The following TMEM132D variants were observed in gnomAD, a reference collection of about 807,000 sequenced individuals.
TMEM132D encodes transmembrane protein 132D.
In TMEM132D, 21 loss-of-function variants were observed where a neutral mutation model predicts 62.3. The observed-to-expected ratio is 0.34, with a 90% CI of 0.24 to 0.49. The LOEUF (loss-of-function observed/expected upper bound fraction) is 0.49, where lower values mean the gene tolerates loss of function less well. Ranked by LOEUF, TMEM132D falls within the 20% of genes least tolerant of loss-of-function variation. The pLI, the probability that TMEM132D is intolerant of heterozygous loss-of-function variation, is 0.99. For synonymous variants in TMEM132D, 621 were observed against 575.6 expected, an observed-to-expected ratio of 1.08 and a Z score of -1.13; for missense variants, 1,346 against 1,402.8, an observed-to-expected ratio of 0.96 and a Z score of 0.65.
At chr12:129,578,264 C>T (rs1270684528) in intron 2 of TMEM132D, among the ~76,000 whole-genome samples, 1 of 152,050 alleles carries the variant, frequency 6.6e-6, no homozygotes, top group South Asian at 2.1e-4. Flanking sequence ...CAGGCTTCCC[C>T]GGGGCCCCAG....
chr12:129,843,056 G>A (rs1288105604), intron 1 of TMEM132D, among the ~76,000 whole-genome samples: 2 of 152,118 alleles, frequency 1.3e-5, no homozygotes, highest in Non-Finnish European at 2.9e-5. Flanking sequence ...AAACACAAAT[G>A]AGTTAAGTTT....
intron 3 of TMEM132D, among the ~76,000 whole-genome samples, chr12:129,402,085 C>T (rs76684283): frequency 0.035 from 5,309 of 152,232 alleles, 299 homozygotes; most frequent in African/African-American, 0.12. Context: ...GAAGTGACTC[C>T]TTTAGGCTGC....
chr12:129,126,566 G>A (rs777697342), intron 5 of TMEM132D, among the ~76,000 whole-genome samples: 7 of 152,112 alleles, frequency 4.6e-5, no homozygotes, highest in African/African-American at 1.2e-4. Context: ...GAGGGATCTG[G>A]CTAATTGAAG....
At chr12:129,718,143 C>T (rs1868661031) in intron 1 of TMEM132D, among the ~76,000 whole-genome samples, 1 of 152,176 alleles carries the variant, frequency 6.6e-6, no homozygotes, top group Admixed American at 6.5e-5. Flanking sequence ...TCTTCTTTCC[C>T]TTAAAGAGAT....
intron 1 of TMEM132D, among the ~76,000 whole-genome samples, chr12:129,876,288 T>C (rs1043709458): frequency 6.6e-6 from 1 of 152,192 alleles, no homozygotes; most frequent in African/African-American, 2.4e-5. Flanking sequence ...AATCCTATCA[T>C]TGGGAAGAAG....
At chr12:129,577,780 T>C (rs957891988) in intron 2 of TMEM132D, among the ~76,000 whole-genome samples, 6 of 152,170 alleles carry the variant, frequency 3.9e-5, no homozygotes, top group African/African-American at 4.8e-5. Flanking sequence ...AGTTTCAAAC[T>C]CTGTTGTTCA....
At chr12:129,614,611 GC>G (rs1878866811) in intron 2 of TMEM132D, among the ~76,000 whole-genome samples, 3 of 152,194 alleles carry the variant, frequency 2.0e-5, no homozygotes, top group African/African-American at 7.2e-5. Flanking sequence ...CAAGGAAGAA[GC>G]AAAATCTGAT....
chr12:129,181,339 T>G (rs1264655853), intron 5 of TMEM132D, among the ~76,000 whole-genome samples: 1 of 152,150 alleles, frequency 6.6e-6, no homozygotes, highest in Non-Finnish European at 1.5e-5. Flanking sequence ...CTTCTCTCCA[T>G]CTCTACTTTA....
chr12:129,382,185 C>A (rs1412060440), intron 3 of TMEM132D, among the ~76,000 whole-genome samples: 1 of 152,164 alleles, frequency 6.6e-6, no homozygotes, highest in Admixed American at 6.5e-5. Context: ...ATCTGGTAAC[C>A]AAACAAATTC....
At chr12:129,788,417 A>C (rs960326695) in intron 1 of TMEM132D, among the ~76,000 whole-genome samples, 3 of 152,216 alleles carry the variant, frequency 2.0e-5, no homozygotes, top group Non-Finnish European at 4.4e-5. Context: ...TGTAAGAAAC[A>C]TAAAGAATAA....
intron 1 of TMEM132D, among the ~76,000 whole-genome samples, chr12:129,732,584 TC>T (rs1382487370): frequency 1.3e-5 from 2 of 152,166 alleles, no homozygotes; most frequent in Admixed American, 6.5e-5. Context: ...TCCTGCTTTC[TC>T]CACGTGAGAT....
intron 3 of TMEM132D, among the ~76,000 whole-genome samples, chr12:129,508,682 T>G (rs973990100): frequency 6.6e-6 from 1 of 152,166 alleles, no homozygotes; most frequent in Non-Finnish European, 1.5e-5. Context: ...AGCTATTGCA[T>G]ATATCACACT....
intron 1 of TMEM132D, among the ~76,000 whole-genome samples, chr12:129,880,183 C>T (rs941179295): frequency 6.6e-6 from 1 of 152,052 alleles, no homozygotes; most frequent in South Asian, 2.1e-4. Context: ...TTGTCAGAAG[C>T]TATACAAGCC....
At chr12:129,590,463 T>G (rs964040884) in intron 2 of TMEM132D, among the ~76,000 whole-genome samples, 1 of 152,228 alleles carries the variant, frequency 6.6e-6, no homozygotes, top group Non-Finnish European at 1.5e-5. Context: ...TGGCAAATGC[T>G]TCCAAACGTT....
chr12:129,348,551 G>A (rs942842722), intron 3 of TMEM132D, among the ~76,000 whole-genome samples: 1 of 151,994 alleles, frequency 6.6e-6, no homozygotes, highest in African/African-American at 2.4e-5. Context: ...ACCAGGGCCT[G>A]TCGGGGGTAG....
chr12:129,094,708 T>C (rs1055232078), intron 5 of TMEM132D, among the ~76,000 whole-genome samples: 22 of 152,220 alleles, frequency 1.4e-4, no homozygotes, highest in East Asian at 1.3e-3. Flanking sequence ...TTATAAATCA[T>C]GCTGCTATAA....
chr12:129,460,142 T>C (rs1193443132), intron 3 of TMEM132D, among the ~76,000 whole-genome samples: 2 of 152,144 alleles, frequency 1.3e-5, no homozygotes, highest in Non-Finnish European at 2.9e-5. Flanking sequence ...ACCCATGAAA[T>C]CATACGGGTT....
At chr12:129,785,179 G>T (rs1052089130) in intron 1 of TMEM132D, among the ~76,000 whole-genome samples, 5 of 152,126 alleles carry the variant, frequency 3.3e-5, no homozygotes, top group African/African-American at 1.2e-4. Flanking sequence ...CGTCCTAGGG[G>T]CCAGGATTGC....
At chr12:129,619,945 AG>A (rs1879019913) in intron 2 of TMEM132D, among the ~76,000 whole-genome samples, 1 of 152,228 alleles carries the variant, frequency 6.6e-6, no homozygotes, top group African/African-American at 2.4e-5. Flanking sequence ...ATCCAGAATG[AG>A]TCCTATTAGG....
Sources: gnomAD v4.1 joint callset for allele counts (sites outside exome capture counted in the v4.1 genomes callset) on GRCh38, gnomAD v4.1.1 for gene constraint, MANE v1.5 for transcripts, NCBI Gene and HGNC (gene_info 2026-07-23, HGNC 2026-07-21) for gene names.